Variants in MSRA observed in about 807,000 individuals in gnomAD.
MSRA encodes the protein methionine sulfoxide reductase A.
A neutral mutation model predicts 31.3 loss-of-function variants in MSRA; 54 were observed. The ratio of observed to expected loss-of-function variants is 1.73; its 90% CI spans 1.39 to 2.17. The LOEUF (loss-of-function observed/expected upper bound fraction) is 2.17, where lower values mean the gene tolerates loss of function less well. Among genes scored for constraint, MSRA ranks in the 30% most tolerant of loss-of-function variants. The pLI, the probability that MSRA is intolerant of heterozygous loss-of-function variation, is 0.00. For missense variants in MSRA, 507 were observed against 300.9 expected, an observed-to-expected ratio of 1.69 and a Z score of -5.07; for synonymous variants, 169 against 116.5, an observed-to-expected ratio of 1.45 and a Z score of -2.90.
intron 5 of MSRA, among the ~76,000 whole-genome samples, chr8:10,427,304 AAGC>A (rs1403536541): frequency 1.3e-5 from 2 of 152,210 alleles, no homozygotes; most frequent in African/African-American, 4.8e-5. Flanking sequence ...AGGGGAGAAG[AAGC>A]AGGCTGAAAT....
intron 1 of MSRA, among the ~76,000 whole-genome samples, chr8:10,117,565 G>T (rs150862544): frequency 2.6e-5 from 4 of 152,110 alleles, no homozygotes; most frequent in Non-Finnish European, 5.9e-5. Context: ...CCTAGCTGTT[G>T]GGAGCATGTC....
chr8:10,061,978 T>C lies in MSRA; in HGVS notation c.142+7320T>C, dbSNP rs28521097. Among the ~76,000 whole-genome samples, 746 of 152,188 alleles carry C rather than the reference T, an allele frequency of 4.9e-3. 6 individuals are homozygous for C. Among genetic ancestry groups the C allele is most frequent in the African/African-American group, 0.017 (723 of 41,520 alleles). On this transcript the variant is annotated intron_variant, in intron 1 of 5. Coordinates refer to ENST00000317173, the MANE Select transcript of MSRA (RefSeq NM_012331.5). ...GCCTGCGATCTTCAGGCTCAGGAGT[T>C]ATTGTGAGCCCCTGCGTTGGGTGGG...
intron 1 of MSRA, among the ~76,000 whole-genome samples, chr8:10,153,558 C>A (rs995585817): frequency 8.5e-5 from 13 of 152,114 alleles, no homozygotes; most frequent in Admixed American, 6.5e-4. Context: ...GGCATAAGGT[C>A]ACTGGGTGAG....
At chr8:10,076,086 G>C (rs1021081819) in intron 1 of MSRA, among the ~76,000 whole-genome samples, 11 of 104,026 alleles carry the variant, frequency 1.1e-4, no homozygotes, top group Admixed American at 9.8e-4. Context: ...TGCGTCATGT[G>C]CTTACTGGCT....
chr8:10,200,709 GC>G (rs999459335), intron 1 of MSRA, among the ~76,000 whole-genome samples: 1 of 152,142 alleles, frequency 6.6e-6, no homozygotes, highest in Non-Finnish European at 1.5e-5. Context: ...GCTATTGGGG[GC>G]AAAACCCACT....
intron 5 of MSRA, among the ~76,000 whole-genome samples, chr8:10,369,661 G>A (rs1805369799): frequency 6.6e-6 from 1 of 152,010 alleles, no homozygotes; most frequent in Non-Finnish European, 1.5e-5. Flanking sequence ...TAAAAATGAG[G>A]CATAGGTTAA....
chr8:10,073,408 G>A (rs1017299942), intron 1 of MSRA, among the ~76,000 whole-genome samples: 27 of 152,090 alleles, frequency 1.8e-4, no homozygotes, highest in African/African-American at 2.9e-4. Flanking sequence ...CTGTGTCTGC[G>A]TTCTCAGTGT....
At chr8:10,080,352 C>A (rs773548220) in intron 1 of MSRA, among the ~76,000 whole-genome samples, 2 of 150,758 alleles carry the variant, frequency 1.3e-5, no homozygotes, top group Non-Finnish European at 2.9e-5. Context: ...CTTACAGAGA[C>A]CAACCCTGTT....
At chr8:10,228,837 A>G (rs762837592) in intron 2 of MSRA, among the ~76,000 whole-genome samples, 13 of 152,210 alleles carry the variant, frequency 8.5e-5, no homozygotes, top group Non-Finnish European at 1.8e-4. Context: ...TGTGGCTCAC[A>G]GCAGGCATTT....
At chr8:10,409,667 C>T (rs536878221) in intron 5 of MSRA, among the ~76,000 whole-genome samples, 167 of 152,336 alleles carry the variant, frequency 1.1e-3, no homozygotes, top group African/African-American at 3.6e-3. Context: ...GCAGCATCAC[C>T]CCTAGGCCCT....
intron 2 of MSRA, among the ~76,000 whole-genome samples, chr8:10,237,307 G>A (rs1812029241): frequency 6.6e-6 from 1 of 152,220 alleles, no homozygotes; most frequent in African/African-American, 2.4e-5. Flanking sequence ...GTTACATCTG[G>A]CTACTGTCCG....
intron 1 of MSRA, among the ~76,000 whole-genome samples, chr8:10,068,101 G>A (rs1797554009): frequency 6.6e-6 from 1 of 151,922 alleles, no homozygotes; most frequent in Admixed American, 6.6e-5. Context: ...CCAGGCTGAT[G>A]TCGAACTTTT....
At chr8:10,397,220 CT>C (rs1807151586) in intron 5 of MSRA, among the ~76,000 whole-genome samples, 1 of 152,164 alleles carries the variant, frequency 6.6e-6, no homozygotes, top group African/African-American at 2.4e-5. Context: ...ATCTCTAATG[CT>C]TGTGGAACAA....
At chr8:10,057,783 T>C (rs1353553043) in intron 1 of MSRA, among the ~76,000 whole-genome samples, 1 of 152,220 alleles carries the variant, frequency 6.6e-6, no homozygotes, top group Non-Finnish European at 1.5e-5. Flanking sequence ...CTGCCATGAT[T>C]GTAAGTTTCC....
At chr8:10,197,776 G>C (rs1313370623) in intron 1 of MSRA, among the ~76,000 whole-genome samples, 1 of 152,176 alleles carries the variant, frequency 6.6e-6, no homozygotes, top group East Asian at 1.9e-4. Context: ...CCTGACCAGA[G>C]AGGATGTCAA....
At chr8:10,345,530 A>G (rs1272563293) in intron 5 of MSRA, among the ~76,000 whole-genome samples, 1 of 152,204 alleles carries the variant, frequency 6.6e-6, no homozygotes, top group African/African-American at 2.4e-5. Flanking sequence ...TCTTCCACAC[A>G]ATGTAAAAAT....
At chr8:10,398,484 A>T (rs1169434196) in intron 5 of MSRA, among the ~76,000 whole-genome samples, 2 of 152,308 alleles carry the variant, frequency 1.3e-5, no homozygotes, top group Non-Finnish European at 2.9e-5. Context: ...GGTCCCTCAG[A>T]GGGCTTGACT....
intron 2 of MSRA, among the ~76,000 whole-genome samples, chr8:10,243,017 ATC>A (rs1400491032): frequency 6.6e-6 from 1 of 152,164 alleles, no homozygotes; most frequent in African/African-American, 2.4e-5. Context: ...GGGATTAAAT[ATC>A]TCTCTACTTG....
At chr8:10,362,864 G>A (rs1406700563) in intron 5 of MSRA, among the ~76,000 whole-genome samples, 4 of 150,030 alleles carry the variant, frequency 2.7e-5, no homozygotes. Context: ...TTCCCTCCTG[G>A]CCCCAGCTCT....
Sources: gnomAD v4.1 joint callset for allele counts (sites outside exome capture counted in the v4.1 genomes callset) on GRCh38, gnomAD v4.1.1 for gene constraint, MANE v1.5 for transcripts, NCBI Gene and HGNC (gene_info 2026-07-23, HGNC 2026-07-21) for gene names.